The following MYH10 variants were observed in gnomAD, a reference collection of about 807,000 sequenced individuals.
MYH10 encodes the protein myosin-10.
Under a neutral mutation model 257.8 loss-of-function variants are expected in MYH10, and 55 were observed. The ratio of observed to expected loss-of-function variants is 0.21; its 90% CI spans 0.17 to 0.27. The LOEUF is 0.27. MYH10 is among the 10% of genes least tolerant of loss of function. The pLI, the probability that MYH10 is intolerant of heterozygous loss-of-function variation, is 1.00. For missense variants in MYH10, 1,631 were observed against 2,500.6 expected, an observed-to-expected ratio of 0.65 and a Z score of 7.42; for synonymous variants, 854 against 921.7, an observed-to-expected ratio of 0.93 and a Z score of 1.33.
chr17:8,598,103 T>C (rs907654245), intron 3 of MYH10, among the ~76,000 whole-genome samples: 2 of 152,180 alleles, frequency 1.3e-5, no homozygotes, highest in Non-Finnish European at 2.9e-5. Context: ...TGCCTCAGCC[T>C]CCAGAGTAGC....
At chr17:8,588,813 CGTCCA>C (rs1484904493) in intron 4 of MYH10, among the ~76,000 whole-genome samples, 5 of 152,142 alleles carry the variant, frequency 3.3e-5, no homozygotes, top group African/African-American at 1.2e-4. Flanking sequence ...ATTACTGAAA[CGTCCA>C]GTAGGCCTAC....
At chr17:8,516,997 CG>C (rs1567834702) in intron 21 of MYH10, among the ~76,000 whole-genome samples, 1 of 151,916 alleles carries the variant, frequency 6.6e-6, no homozygotes, top group Admixed American at 6.6e-5. Flanking sequence ...AAAAATTAGC[CG>C]GGTGTGGTGG....
At chr17:8,478,040 G>C (rs1183611652) in intron 41 of MYH10, among the ~76,000 whole-genome samples, 1 of 152,224 alleles carries the variant, frequency 6.6e-6, no homozygotes, top group Non-Finnish European at 1.5e-5. Context: ...GCATTAGGGA[G>C]ATAACAGGGA....
rs1383112515 is a variant in MYH10, at chr17:8,541,900, G to T, written c.1605+207C>A. 2.8e-5 allele frequency: 13 copies of T among 472,186 alleles called. No homozygotes were observed. The East Asian group carries it at 4.6e-4, about 17-fold the overall frequency. The allele number at this position is 472,186 out of a possible 1,614,324, so 29.2% of individuals were successfully genotyped here. A position where few individuals can be genotyped will look rare whatever the true frequency, so the allele number is the denominator to read the frequency against. ...CAAGCAAGGACAGGAATCAAGCTGC[G>T]AGGAGAGCTAAAGAAGGGTTTTACT... On this transcript the variant is annotated intron_variant, in intron 14 of 42. Coordinates refer to ENST00000360416, the MANE Select transcript of MYH10 (RefSeq NM_001256012.3).
chr17:8,546,317 C>T (rs1303189346), intron 12 of MYH10, among the ~76,000 whole-genome samples: 1 of 152,042 alleles, frequency 6.6e-6, no homozygotes, highest in Non-Finnish European at 1.5e-5. Context: ...CCTCAGCCTC[C>T]CAAAGTGCTG....
chr17:8,571,680 C>T (rs1317409146), intron 6 of MYH10, among the ~76,000 whole-genome samples: 2 of 151,816 alleles, frequency 1.3e-5, no homozygotes, highest in African/African-American at 4.8e-5. Flanking sequence ...ATCGCTTGAA[C>T]CGAGGAGGCA....
rs1467983099 is a variant in MYH10, at chr17:8,504,507, C to T, written c.3599+187G>A. 2.0e-5 allele frequency among the ~76,000 whole-genome samples: 3 copies of T among 152,210 alleles called. No individual in the cohort carries two copies. ...CAGTCTGCTGGTTTACCCACCCACC[C>T]CTGCACAGGTATTTCTACCCATAGG... On this transcript the variant is annotated intron_variant, in intron 28 of 42. Transcript: ENST00000360416. This position sits in a 1 kb window ranked among gnomAD's most constrained non-coding sequence, Gnocchi z 5.6.
chr17:8,613,894 C>CA (rs112530084), intron 2 of MYH10, among the ~76,000 whole-genome samples: 138 of 144,974 alleles, frequency 9.5e-4, no homozygotes, highest in African/African-American at 2.7e-3. Context: ...AACACTAATC[C>CA]AAAAAAAAAA....
chr17:8,537,490 G>C (rs1413369598), intron 14 of MYH10, among the ~76,000 whole-genome samples: 2 of 152,156 alleles, frequency 1.3e-5, no homozygotes, highest in African/African-American at 4.8e-5. Flanking sequence ...TCCTCCACCT[G>C]AAAGAATTGT....
At position 8,508,632 on chromosome 17, in the gene MYH10, G is replaced by C; in HGVS notation, c.3136C>G (p.Leu1046Val). ...TTCGCCTTTTCTTCCTCTTCAGCCA[G>C]CTGAGAGGAACACTCAGCAATGCGA... ...EDRIAECSSQ[L>V]AEEEEKAKNL... Residue 1046 changes from leucine to valine, a missense_variant, in exon 26 of 43, where the codon CTG becomes GTG. Transcript: ENST00000360416. 1 of 1,614,016 alleles carries C rather than the reference G, an allele frequency of 6.2e-7. No individual in the cohort carries two copies. Among genetic ancestry groups the C allele is most frequent in the East Asian group, 2.2e-5 (1 of 44,872 alleles).
At chr17:8,500,503 G>C (rs11869490) in intron 29 of MYH10, among the ~76,000 whole-genome samples, 7,474 of 152,268 alleles carry the variant, frequency 0.049, 601 homozygotes, top group African/African-American at 0.17. Context: ...ACAAGTTAGG[G>C]AAGAATGACT....
intron 17 of MYH10, among the ~76,000 whole-genome samples, chr17:8,528,107 G>C (rs868795007): frequency 1.3e-5 from 2 of 152,122 alleles, no homozygotes; most frequent in African/African-American, 2.4e-5. Flanking sequence ...ACACTCTTCC[G>C]GACCTGTCAG....
At position 8,592,933 on chromosome 17, in the gene MYH10, CTATATATATATATATATATATA is replaced by C. The variant is rs71159601; in HGVS notation, c.503-3847_503-3826del. ...CAAAATGTTGGTAAATCAAATCCAG[CTATATATATATATATATATATA>C]TATATATATATATATAAAAGATGAT... is the stretch of plus-strand genomic sequence containing the variant. On this transcript the variant is annotated intron_variant, in intron 3 of 42. Coordinates refer to ENST00000360416, the MANE Select transcript of MYH10 (RefSeq NM_001256012.3). Among the ~76,000 whole-genome samples, 294 of 44,746 alleles carry C rather than the reference CTATATATATATATATATATATA, an allele frequency of 6.6e-3. 29 individuals carry two copies. Among genetic ancestry groups the C allele is most frequent in the Middle Eastern group, 0.02 (1 of 50 alleles). 29.4% of individuals were successfully genotyped at this position (44,746 alleles called of 152,430 possible). A position where few individuals can be genotyped will look rare whatever the true frequency, so the allele number is the denominator to read the frequency against.
At chr17:8,529,034 C>T (rs374978125) in intron 17 of MYH10, among the ~76,000 whole-genome samples, 3 of 152,140 alleles carry the variant, frequency 2.0e-5, no homozygotes, top group Non-Finnish European at 4.4e-5. Context: ...TGAGCCACCC[C>T]GCTGCTCATT....
chr17:8,483,839 C>A (rs1597604547), intron 37 of MYH10, among the ~76,000 whole-genome samples: 1 of 152,324 alleles, frequency 6.6e-6, no homozygotes, highest in African/African-American at 2.4e-5. Flanking sequence ...TCAACACTTC[C>A]CTTTCCTGCA....
chr17:8,492,915 T>A lies in MYH10; in HGVS notation c.4319A>T (p.Glu1440Val), dbSNP rs1916006402. 1.2e-6 allele frequency: 2 copies of A among 1,614,156 alleles called. No homozygotes were observed. Among genetic ancestry groups the A allele is most frequent in the Non-Finnish European group, 1.7e-6 (2 of 1,180,026 alleles). Residue 1440 changes from glutamate (E) to valine (V), a missense_variant, in exon 33 of 43, where the codon GAG becomes GTG. Physicochemically the swap from Glu to Val is moderately radical, Grantham distance 121. This residue lies in a region of MYH10 where 463 missense variants were observed against 621.8 expected (regional missense o/e 0.74). Transcript: ENST00000360416. Reference sequence around the variant, plus strand: ...TTTGTCATACGCCAGTGCCTTCTCCTCCAGGCGCTGGCTCAGGGCCTCCGC... The same window carrying A: ...TTTGTCATACGCCAGTGCCTTCTCCACCAGGCGCTGGCTCAGGGCCTCCGC... ...KDAEALSQRL[E>V]EKALAYDKLE...
At chr17:8,526,566 G>A (rs2081852522) in intron 17 of MYH10, among the ~76,000 whole-genome samples, 1 of 152,294 alleles carries the variant, frequency 6.6e-6, no homozygotes, top group Admixed American at 6.5e-5. Flanking sequence ...CTATAACAAT[G>A]TATTTAAACA....
At chr17:8,549,855 C>T (rs1352852421) in intron 9 of MYH10, among the ~76,000 whole-genome samples, 7 of 150,904 alleles carry the variant, frequency 4.6e-5, no homozygotes, top group Admixed American at 2.0e-4. Context: ...CGCGCCGCCA[C>T]GCCTGACTGG....
intron 1 of MYH10, among the ~76,000 whole-genome samples, chr17:8,626,525 C>T (rs2085680955): frequency 6.6e-6 from 1 of 150,730 alleles, no homozygotes; most frequent in African/African-American, 2.4e-5. Flanking sequence ...TGAAATCACA[C>T]CACTGCACTC....
Sources: gnomAD v4.1 joint callset for allele counts (sites outside exome capture counted in the v4.1 genomes callset) on GRCh38, gnomAD v4.1.1 for gene constraint, gnomAD v4.1.1 regional missense constraint, Gnocchi (gnomAD v3.1) non-coding constraint, MANE v1.5 for transcripts, NCBI Gene and HGNC (gene_info 2026-07-23, HGNC 2026-07-21) for gene names.